The following MBTD1 variants were observed in gnomAD, a reference collection of about 807,000 sequenced individuals.
MBTD1 encodes MBT domain-containing protein 1.
A neutral mutation model predicts 87.8 loss-of-function variants in MBTD1; 24 were observed. That is an observed-to-expected ratio of 0.27 (90% CI 0.20 to 0.38). MBTD1 has a LOEUF of 0.38. Ranked by LOEUF, MBTD1 falls within the 10% of genes least tolerant of loss-of-function variation. The pLI, the probability that MBTD1 is intolerant of heterozygous loss-of-function variation, is 1.00. For synonymous variants in MBTD1, 237 were observed against 248.6 expected, an observed-to-expected ratio of 0.95 and a Z score of 0.44; for missense variants, 436 against 760.2, an observed-to-expected ratio of 0.57 and a Z score of 5.02.
chr17:51,218,380 T>A (rs919962140), intron 5 of MBTD1, among the ~76,000 whole-genome samples: 4 of 151,726 alleles, frequency 2.6e-5, no homozygotes, highest in African/African-American at 9.7e-5. Context: ...AATACAAAAA[T>A]AAGCCAAGTG....
At chr17:51,188,465 G>A (rs2050645791) in intron 16 of MBTD1, among the ~76,000 whole-genome samples, 1 of 152,166 alleles carries the variant, frequency 6.6e-6, no homozygotes, top group South Asian at 2.1e-4. Flanking sequence ...AAAGACCAAC[G>A]AGCTGTAAGA....
At chr17:51,186,658 C>T (rs1047592262) in intron 16 of MBTD1, among the ~76,000 whole-genome samples, 2 of 151,996 alleles carry the variant, frequency 1.3e-5, no homozygotes, top group African/African-American at 4.8e-5. Flanking sequence ...CCTGTGGTCC[C>T]AGCTACTCGG....
At chr17:51,221,316 A>AAAAC (rs537477498) in intron 3 of MBTD1, among the ~76,000 whole-genome samples, 1 of 152,186 alleles carries the variant, frequency 6.6e-6, no homozygotes, top group Non-Finnish European at 1.5e-5. Flanking sequence ...AAAACAAAAC[A>AAAAC]AAACAAACAA....
chr17:51,209,551 C>T (rs986269198), intron 6 of MBTD1: 59 of 461,916 alleles, frequency 1.3e-4, no homozygotes, highest in Non-Finnish European at 2.3e-4. Flanking sequence ...GGTGGGAAGT[C>T]TTATTTGCTG....
intron 4 of MBTD1, 58 bp downstream of exon 4, chr17:51,220,272 T>A: frequency 6.7e-7 from 1 of 1,482,628 alleles, no homozygotes; most frequent in Non-Finnish European, 9.1e-7. Flanking sequence ...AAATGACAGA[T>A]AAATGGCAAA....
chr17:51,208,436 TA>T (rs1222329657), intron 6 of MBTD1, among the ~76,000 whole-genome samples: 1 of 152,240 alleles, frequency 6.6e-6, no homozygotes, highest in Non-Finnish European at 1.5e-5. Flanking sequence ...CAGGTTCTGC[TA>T]TCTTTCCCCT....
chr17:51,206,423 AG>A (rs1284466625), intron 7 of MBTD1, among the ~76,000 whole-genome samples: 1 of 152,204 alleles, frequency 6.6e-6, no homozygotes, highest in South Asian at 2.1e-4. Flanking sequence ...CACTTTTTTT[AG>A]TACCTCAACT....
intron 16 of MBTD1, among the ~76,000 whole-genome samples, chr17:51,191,173 AT>A (rs1598290592): frequency 6.6e-6 from 1 of 152,204 alleles, no homozygotes; most frequent in African/African-American, 2.4e-5. Context: ...GATAAAAAAA[AT>A]CAAACATAGT....
intron 16 of MBTD1, chr17:51,185,498 T>C (rs1339991760): frequency 6.6e-6 from 1 of 152,254 alleles, no homozygotes; most frequent in Non-Finnish European, 1.5e-5. Flanking sequence ...CATGAACTTA[T>C]GGAAATAATA....
chr17:51,234,138 C>G (rs989792752), intron 2 of MBTD1, among the ~76,000 whole-genome samples: 1 of 151,980 alleles, frequency 6.6e-6, no homozygotes, highest in Non-Finnish European at 1.5e-5. Context: ...GCCTGTAATT[C>G]CAGCACTCTG....
intron 2 of MBTD1, among the ~76,000 whole-genome samples, chr17:51,229,822 G>A (rs1044203116): frequency 2.0e-5 from 3 of 151,774 alleles, no homozygotes; most frequent in Non-Finnish European, 4.4e-5. Context: ...CACCACGCCC[G>A]GCTAATTTTT....
rs764772111 is a variant in MBTD1, at chr17:51,201,615, T to C, written c.1201A>G (p.Ile401Val). The change falls in exon 12 of 17, where the codon ATA (isoleucine) becomes GTA (valine). Residue 401 changes from isoleucine (I) to valine (V), a missense_variant. Coordinates refer to ENST00000586178, the MANE Select transcript of MBTD1 (RefSeq NM_017643.3). Reference sequence around the variant, plus strand: ...ACCTTTCTAATGGTTGCGACACATATTGTAGAAAGATTTAATGGGTCTATA... The same window carrying C: ...ACCTTTCTAATGGTTGCGACACATACTGTAGAAAGATTTAATGGGTCTATA... ...EAIDPLNLST[I>V]CVATIRKVLA... 2 of 1,606,832 alleles carry C rather than the reference T, an allele frequency of 1.2e-6. No homozygotes were observed. The highest frequency in any genetic ancestry group is 2.2e-5 in the East Asian group (1 of 44,726).
intron 2 of MBTD1, among the ~76,000 whole-genome samples, chr17:51,238,374 G>C (rs1441176553): frequency 6.6e-6 from 1 of 152,282 alleles, no homozygotes; most frequent in Non-Finnish European, 1.5e-5. Flanking sequence ...GAGATGATTA[G>C]AAGATATGTT....
At chr17:51,255,215 A>G (rs1404981455) in intron 2 of MBTD1, among the ~76,000 whole-genome samples, 2 of 152,128 alleles carry the variant, frequency 1.3e-5, no homozygotes, top group African/African-American at 2.4e-5. Context: ...CGGGAGGCGG[A>G]GACTGCAGTG....
intron 2 of MBTD1, among the ~76,000 whole-genome samples, chr17:51,225,737 T>C (rs1328442939): frequency 4.0e-5 from 6 of 151,628 alleles, no homozygotes; most frequent in Admixed American, 1.3e-4. Context: ...TTCTTTTTTC[T>C]TTTTAATTAT....
chr17:51,182,125 AT>A (rs35397252), intron 16 of MBTD1, among the ~76,000 whole-genome samples: 57,092 of 134,366 alleles, frequency 0.42, 10,766 homozygotes, highest in Admixed American at 0.46. Flanking sequence ...GGCCCTGTGC[AT>A]TTTTTTTTTT....
At chr17:51,197,952 C>A (rs2051231920) in intron 12 of MBTD1, among the ~76,000 whole-genome samples, 1 of 152,166 alleles carries the variant, frequency 6.6e-6, no homozygotes. Context: ...GATTTTAGCT[C>A]TTTTCTGTTT....
At chr17:51,207,087 A>G (rs2051886625) in intron 6 of MBTD1, 82 bp from the exon 7 acceptor site, 6 of 643,096 alleles carry the variant, frequency 9.3e-6, no homozygotes, top group Non-Finnish European at 2.7e-6. Context: ...AGTACCATCA[A>G]TAATAGGAAT....
chr17:51,190,035 T>C (rs759388042), intron 16 of MBTD1, among the ~76,000 whole-genome samples: 10 of 152,212 alleles, frequency 6.6e-5, no homozygotes, highest in African/African-American at 2.4e-4. Context: ...GGTTTTGTGC[T>C]GGGAGAAAAC....
Sources: gnomAD v4.1 joint callset for allele counts (sites outside exome capture counted in the v4.1 genomes callset) on GRCh38, gnomAD v4.1.1 for gene constraint, MANE v1.5 for transcripts, NCBI Gene and HGNC (gene_info 2026-07-23, HGNC 2026-07-21) for gene names.